The following PDE4B variants were observed in gnomAD, a reference collection of about 807,000 sequenced individuals.
The protein encoded by PDE4B is 3',5'-cyclic-AMP phosphodiesterase 4B.
PDE4B carries 20 observed loss-of-function variants against 82.2 expected under a neutral mutation model. That is an observed-to-expected ratio of 0.24 (90% CI 0.17 to 0.35). PDE4B has a LOEUF of 0.35. Among genes scored for constraint, PDE4B ranks in the 10% least tolerant of loss-of-function variants. The probability of loss-of-function intolerance (pLI) is 1.00; values close to 1 mark genes in which losing one functional copy is unlikely to be tolerated. For missense variants in PDE4B, 655 were observed against 907.2 expected (o/e 0.72, Z 3.57); for synonymous variants, 320 against 318.9 (o/e 1.00, Z -0.04).
At chr1:66,085,753 C>G (rs1310954214) in intron 3 of PDE4B, among the ~76,000 whole-genome samples, 1 of 152,010 alleles carries the variant, frequency 6.6e-6, no homozygotes, top group African/African-American at 2.4e-5. Flanking sequence ...ATAACTGCAC[C>G]AGCACGAAGA....
chr1:65,815,160 A>C (rs1019075158), intron 1 of PDE4B, among the ~76,000 whole-genome samples: 1 of 151,282 alleles, frequency 6.6e-6, no homozygotes. Context: ...TGCACCCACT[A>C]ACTCGTCATC....
At chr1:65,919,210 A>C (rs1647196738) in intron 3 of PDE4B, among the ~76,000 whole-genome samples, 1 of 152,216 alleles carries the variant, frequency 6.6e-6, no homozygotes, top group African/African-American at 2.4e-5. Context: ...TGATGTTCTT[A>C]TTGCTGAACT....
At chr1:66,291,996 A>G (rs774797889) in intron 7 of PDE4B, among the ~76,000 whole-genome samples, 1 of 152,186 alleles carries the variant, frequency 6.6e-6, no homozygotes. Flanking sequence ...CATTCTGCAC[A>G]TAATTAGAGC....
intron 1 of PDE4B, among the ~76,000 whole-genome samples, chr1:65,856,365 A>G (rs1033805514): frequency 6.6e-6 from 1 of 151,948 alleles, no homozygotes; most frequent in Non-Finnish European, 1.5e-5. Flanking sequence ...CTGGTGTGTC[A>G]TGTTCCCCTC....
chr1:66,125,980 A>G (rs565161231), intron 3 of PDE4B, among the ~76,000 whole-genome samples: 17 of 152,234 alleles, frequency 1.1e-4, no homozygotes, highest in African/African-American at 4.1e-4. Context: ...TTAATTTTGT[A>G]TTTTTAGTGG....
chr1:66,004,523 A>T (rs2186122), intron 3 of PDE4B, among the ~76,000 whole-genome samples: 85,391 of 151,936 alleles, frequency 0.56, 24,146 homozygotes, highest in African/African-American at 0.59. Flanking sequence ...GCAGATTTTG[A>T]CCATAGAATA....
At chr1:66,181,951 A>G (rs552443719) in intron 3 of PDE4B, among the ~76,000 whole-genome samples, 1 of 152,266 alleles carries the variant, frequency 6.6e-6, no homozygotes, top group Admixed American at 6.5e-5. Flanking sequence ...AGATAGAGCA[A>G]AGACCTTTAC....
intron 3 of PDE4B, among the ~76,000 whole-genome samples, chr1:65,998,402 G>A (rs1235802102): frequency 6.6e-6 from 1 of 151,338 alleles, no homozygotes; most frequent in Non-Finnish European, 1.5e-5. Context: ...TGGAGTTTTA[G>A]CCCATCCATT....
intron 3 of PDE4B, among the ~76,000 whole-genome samples, chr1:66,134,017 A>G (rs1199664979): frequency 6.9e-6 from 1 of 145,080 alleles, no homozygotes; most frequent in Non-Finnish European, 1.5e-5. Flanking sequence ...ATAGGTTGCT[A>G]TCTCAAAACT....
intron 2 of PDE4B, among the ~76,000 whole-genome samples, chr1:65,917,275 G>T (rs1361347805): frequency 6.6e-6 from 1 of 152,200 alleles, no homozygotes; most frequent in Non-Finnish European, 1.5e-5. Flanking sequence ...GTGGGGTAGA[G>T]GAGCGGAGGG....
chr1:66,341,387 T>A (rs1660972444), intron 8 of PDE4B, among the ~76,000 whole-genome samples: 1 of 152,214 alleles, frequency 6.6e-6, no homozygotes, highest in South Asian at 2.1e-4. Context: ...CATTGACTTT[T>A]AGACTTCTCA....
intron 3 of PDE4B, among the ~76,000 whole-genome samples, chr1:65,939,217 G>C (rs1437066419): frequency 1.3e-5 from 2 of 152,080 alleles, no homozygotes; most frequent in African/African-American, 2.4e-5. Context: ...AGATGCAGCT[G>C]AACACATGAC....
chr1:66,148,715 A>C (rs1646323649), intron 3 of PDE4B, among the ~76,000 whole-genome samples: 1 of 152,216 alleles, frequency 6.6e-6, no homozygotes, highest in Non-Finnish European at 1.5e-5. Context: ...CTGTCTCTAC[A>C]GATTTGCCTA....
At chr1:66,147,997 A>G (rs1227114248) in intron 3 of PDE4B, among the ~76,000 whole-genome samples, 2 of 152,200 alleles carry the variant, frequency 1.3e-5, no homozygotes, top group African/African-American at 4.8e-5. Context: ...TGGGCCAGGC[A>G]TGGTGGCTTA....
intron 3 of PDE4B, among the ~76,000 whole-genome samples, chr1:66,145,186 G>A (rs1423310684): frequency 1.3e-5 from 2 of 152,156 alleles, no homozygotes; most frequent in Non-Finnish European, 2.9e-5. Context: ...AAGGTGATGA[G>A]AAAACAAAGT....
intron 7 of PDE4B, among the ~76,000 whole-genome samples, chr1:66,318,838 C>T (rs1319005339): frequency 6.6e-6 from 1 of 152,154 alleles, no homozygotes; most frequent in African/African-American, 2.4e-5. Flanking sequence ...ACTTACAGCA[C>T]ATCTGACCAG....
At chr1:66,125,148 G>C (rs549722512) in intron 3 of PDE4B, among the ~76,000 whole-genome samples, 21 of 143,376 alleles carry the variant, frequency 1.5e-4, no homozygotes, top group Non-Finnish European at 2.2e-4. Flanking sequence ...TGCAATTCAT[G>C]ATGGCCCATA....
chr1:66,277,390 T>A (rs190831045), intron 7 of PDE4B, among the ~76,000 whole-genome samples: 1 of 152,160 alleles, frequency 6.6e-6, no homozygotes, highest in Non-Finnish European at 1.5e-5. Flanking sequence ...TATTTTATTA[T>A]TTATTTATTT....
At chr1:66,349,218 T>C (rs1661641276) in intron 8 of PDE4B, among the ~76,000 whole-genome samples, 1 of 152,202 alleles carries the variant, frequency 6.6e-6, no homozygotes, top group Non-Finnish European at 1.5e-5. Flanking sequence ...TGCTTTGCCT[T>C]TTAATATGTC....
Sources: allele counts gnomAD v4.1 joint callset (sites outside exome capture counted in the v4.1 genomes callset), GRCh38; gene constraint gnomAD v4.1.1; transcripts MANE v1.5; gene names NCBI Gene and HGNC (gene_info 2026-07-23, HGNC 2026-07-21).